Variants in RNF135 observed in about 807,000 individuals in gnomAD.
RNF135 encodes the protein ring finger protein 135, also known as E3 ubiquitin-protein ligase RNF135.
Under a neutral mutation model 41.9 loss-of-function variants are expected in RNF135, and 46 were observed. That is an observed-to-expected ratio of 1.10 (90% CI 0.87 to 1.40). RNF135 has a LOEUF of 1.40. Ranked by LOEUF, RNF135 falls within the 40% of genes most tolerant of loss-of-function variation. RNF135 has a pLI of 0.00. For synonymous variants in RNF135, 238 were observed against 223.8 expected (o/e 1.06, Z -0.57); for missense variants, 539 against 549.8 (o/e 0.98, Z 0.20).
intron 1 of RNF135, 69 bp downstream of exon 1, chr17:30,971,514 G>C: frequency 2.8e-6 from 4 of 1,410,750 alleles, no homozygotes; most frequent in Non-Finnish European, 3.7e-6. Flanking sequence ...TTTCCCATGT[G>C]GCTCGAACCC....
At chr17:30,986,618 G>A (rs565883219) in intron 2 of RNF135, among the ~76,000 whole-genome samples, 39 of 152,334 alleles carry the variant, frequency 2.6e-4, no homozygotes, top group Non-Finnish European at 3.8e-4. Flanking sequence ...CTTTAGGGAT[G>A]CGATGTGTTG....
intron 1 of RNF135, chr17:30,973,238 T>C (rs957910522): frequency 6.6e-6 from 1 of 152,188 alleles, no homozygotes; most frequent in East Asian, 1.9e-4. Context: ...TTTTAGAGAT[T>C]CCTTCTATAT....
At chr17:30,963,743 G>A in the RNF135 span, among the ~76,000 whole-genome samples, 3 of 152,140 alleles carry the variant, frequency 2.0e-5, no homozygotes, top group Non-Finnish European at 2.9e-5. Context: ...AAGGTATTAA[G>A]GTTAGGGTTC....
intron 1 of RNF135, chr17:30,975,620 A>AT: frequency 1.0e-6 from 1 of 978,242 alleles, no homozygotes; most frequent in East Asian, 2.4e-5. Flanking sequence ...ATAAAAGCAT[A>AT]TTCAGCAAAA....
chr17:30,960,612 C>A, the RNF135 span, among the ~76,000 whole-genome samples: 4 of 152,100 alleles, frequency 2.6e-5, no homozygotes, highest in Admixed American at 2.6e-4. Context: ...CCACACCCTT[C>A]CCCTGCCCCG....
At chr17:30,997,457 G>C in intron 4 of RNF135, 126 bp downstream of exon 4, 1 of 840,620 alleles carries the variant, frequency 1.2e-6, no homozygotes, top group Non-Finnish European at 2.0e-6. Flanking sequence ...TTTGTTCCAG[G>C]TCCCTCCACG....
the RNF135 span, among the ~76,000 whole-genome samples, chr17:30,964,389 CAA>C: frequency 0.018 from 652 of 37,074 alleles, no homozygotes; most frequent in Non-Finnish European, 0.032. Flanking sequence ...GACTTCATCT[CAA>C]AAAAAAAAAA....
intron 3 of RNF135, among the ~76,000 whole-genome samples, chr17:30,990,464 C>T (rs1907911897): frequency 1.3e-5 from 2 of 152,004 alleles, no homozygotes; most frequent in South Asian, 4.2e-4. Context: ...GCAGAGGTTG[C>T]AGTGAGCCAC....
At chr17:30,961,622 C>T in the RNF135 span, among the ~76,000 whole-genome samples, 60 of 152,196 alleles carry the variant, frequency 3.9e-4, no homozygotes, top group African/African-American at 1.4e-3. Flanking sequence ...GCCACCATGC[C>T]CAGCTAATTT....
At chr17:30,997,485 AG>A (rs1433848370) in intron 4 of RNF135, 154 bp downstream of exon 4, 1 of 715,688 alleles carries the variant, frequency 1.4e-6, no homozygotes, top group Admixed American at 2.0e-5. Context: ...CTGATTGCAA[AG>A]GCAAAGCAGG....
At chr17:30,969,668 C>T (rs1003953683), upstream of RNF135, among the ~76,000 whole-genome samples, 6 of 152,000 alleles carry the variant, frequency 3.9e-5, no homozygotes, top group Non-Finnish European at 8.8e-5. Context: ...GCACTGGAAA[C>T]GTTGATGAGC....
intron 1 of RNF135, chr17:30,975,928 T>C: frequency 1.7e-6 from 1 of 574,790 alleles, no homozygotes; most frequent in Non-Finnish European, 3.2e-6. Flanking sequence ...CTGACTCTTC[T>C]GCCTGTTCAT....
intron 3 of RNF135, chr17:30,993,705 T>TAAA: frequency 1.7e-6 from 1 of 592,074 alleles, no homozygotes; most frequent in South Asian, 2.4e-5. Flanking sequence ...AGTGTTAATT[T>TAAA]AAAAAAAAAA....
chr17:30,971,470 C>T (rs999475453), intron 1 of RNF135, 25 bp downstream of exon 1: 3 of 1,475,886 alleles, frequency 2.0e-6, no homozygotes, highest in Non-Finnish European at 2.7e-6. Flanking sequence ...CCCGCAGCTC[C>T]CCTGGCTCCC....
chr17:30,979,185 C>A (rs1229146839), intron 1 of RNF135: 3 of 147,468 alleles, frequency 2.0e-5, no homozygotes, highest in African/African-American at 8.0e-5. Context: ...TAGGGGCGGC[C>A]GGGCAGAAGC....
Position 30,984,740 on chromosome 17 carries a change from G to C in RNF135, c.496G>C (p.Glu166Gln). 6.2e-7 allele frequency: 1 copy of C among 1,614,166 alleles called. No individual in the cohort carries two copies. Among genetic ancestry groups the C allele is most frequent in the Non-Finnish European group, 8.5e-7 (1 of 1,180,024 alleles). The change falls in exon 2 of 5, where the codon GAA (glutamate) becomes CAA (glutamine). Residue 166 changes from glutamate (E) to glutamine (Q), a missense_variant. Transcript: ENST00000328381. ...CCTATCAGAATCTGGACCAGACAAC[G>C]AACTGAGCATCCTGGGCAAGGTAGG... The part of the protein sequence containing the change: ...RPLSESGPDN[E>Q]LSILGKAFSS...
chr17:30,985,820 T>C (rs1907537395), intron 2 of RNF135, among the ~76,000 whole-genome samples: 1 of 152,182 alleles, frequency 6.6e-6, no homozygotes, highest in African/African-American at 2.4e-5. Context: ...ATCCCATCTC[T>C]GTCTGCCTCT....
intron 3 of RNF135, among the ~76,000 whole-genome samples, chr17:30,991,395 G>A (rs1181572277): frequency 3.3e-5 from 5 of 150,868 alleles, no homozygotes; most frequent in Admixed American, 2.0e-4. Flanking sequence ...AGTATACTGC[G>A]CGTTTTTTTT....
rs567039440 is a variant in RNF135 at position 30,971,467 on chromosome 17, C to G, written c.372+22C>G. 2.6e-5 allele frequency: 38 copies of G among 1,476,822 alleles called. No homozygotes were observed. In the African/African-American group the frequency reaches 5.0e-4, roughly 19 times the overall value. The allele number at this position is 1,476,822 out of a possible 1,614,324, so 91.5% of individuals were successfully genotyped here. A position where few individuals can be genotyped will look rare whatever the true frequency, so the allele number is the denominator to read the frequency against. On this transcript the variant is annotated intron_variant, in intron 1 of 4. Coordinates refer to ENST00000328381, the MANE Select transcript of RNF135 (RefSeq NM_032322.4). The stretch of plus-strand genomic sequence containing the variant: ...GCGGGTAGGGAGGCCGGGCCCGCAG[C>G]TCCCCTGGCTCCCCCGGGCTGCCCG...
Sources: allele counts gnomAD v4.1 joint callset (sites outside exome capture counted in the v4.1 genomes callset), GRCh38; gene constraint gnomAD v4.1.1; transcripts MANE v1.5; gene names NCBI Gene and HGNC (gene_info 2026-07-23, HGNC 2026-07-21).